CHODL: variants seen among roughly 807,000 people sequenced by gnomAD.
The protein encoded by CHODL is transmembrane protein MT75.
In CHODL, 29 loss-of-function variants were observed where a neutral mutation model predicts 34.5. That is an observed-to-expected ratio of 0.84 (90% CI 0.63 to 1.15). The LOEUF (loss-of-function observed/expected upper bound fraction) is 1.15, where lower values mean the gene tolerates loss of function less well. Among genes scored for constraint, CHODL ranks in the 50% most tolerant of loss-of-function variants. The pLI is 0.00. For synonymous variants in CHODL, 125 were observed against 116.1 expected (o/e 1.08, Z -0.49); for missense variants, 332 against 332.5 (o/e 1.00, Z 0.01).
At chr21:18,256,865 A>G in intron 2 of CHODL, 47 bp downstream of exon 2, 1 of 1,589,496 alleles carries the variant, frequency 6.3e-7, no homozygotes, top group South Asian at 1.2e-5. Context: ...GGGAACTCCA[A>G]AGATAGAGGG....
At chr21:18,059,319 A>G (rs2064626106) in intron 2 of CHODL, among the ~76,000 whole-genome samples, 1 of 152,102 alleles carries the variant, frequency 6.6e-6, no homozygotes, top group Admixed American at 6.5e-5. Flanking sequence ...AGGTTTGGGG[A>G]AAAATAATGT....
At chr21:17,943,448 C>G (rs13051688) in intron 1 of CHODL, among the ~76,000 whole-genome samples, 5,226 of 152,198 alleles carry the variant, frequency 0.034, 105 homozygotes, top group Middle Eastern at 0.068. Context: ...TTATTTTTCT[C>G]TTGATGAATA....
chr21:18,243,579 G>A (rs2074102308), upstream of CHODL, among the ~76,000 whole-genome samples: 1 of 147,746 alleles, frequency 6.8e-6, no homozygotes, highest in Non-Finnish European at 1.5e-5. Flanking sequence ...GATTTTGCAT[G>A]TCCCCAAAAC....
chr21:18,002,635 A>G (rs2063917119), intron 1 of CHODL, among the ~76,000 whole-genome samples: 1 of 152,132 alleles, frequency 6.6e-6, no homozygotes, highest in African/African-American at 2.4e-5. Flanking sequence ...TCAGGAGTAC[A>G]TATCTCCACC....
At chr21:17,977,711 G>T (rs1418737652) in intron 1 of CHODL, among the ~76,000 whole-genome samples, 7 of 145,718 alleles carry the variant, frequency 4.8e-5, no homozygotes, top group African/African-American at 7.5e-5. Context: ...GAGGTCAAGA[G>T]ATCGAGACCA....
chr21:18,243,730 T>C (rs2074103818), upstream of CHODL, among the ~76,000 whole-genome samples: 1 of 152,148 alleles, frequency 6.6e-6, no homozygotes, highest in African/African-American at 2.4e-5. Flanking sequence ...TCTTTCCAAG[T>C]GCTAAAATTT....
chr21:18,013,069 T>C (rs956749996), intron 1 of CHODL, among the ~76,000 whole-genome samples: 11 of 152,188 alleles, frequency 7.2e-5, no homozygotes, highest in Admixed American at 6.5e-4. Flanking sequence ...GGGAATCTGA[T>C]TGGCTTTTAA....
intron 1 of CHODL, among the ~76,000 whole-genome samples, chr21:18,001,023 A>G (rs1308227973): frequency 1.3e-5 from 2 of 152,186 alleles, no homozygotes; most frequent in African/African-American, 4.8e-5. Context: ...CATCATAATC[A>G]TGATCATCTA....
At chr21:18,162,686 T>G (rs886256149) in intron 2 of CHODL, among the ~76,000 whole-genome samples, 2 of 152,222 alleles carry the variant, frequency 1.3e-5, no homozygotes, top group African/African-American at 4.8e-5. Context: ...TAATAACTAT[T>G]TTTAAACTTC....
intron 3 of CHODL, among the ~76,000 whole-genome samples, chr21:18,257,342 G>C (rs1257671244): frequency 6.6e-6 from 1 of 152,120 alleles, no homozygotes; most frequent in African/African-American, 2.4e-5. Context: ...AATAAAAACA[G>C]CTGGAGAGAT....
intron 2 of CHODL, among the ~76,000 whole-genome samples, chr21:18,171,261 C>T (rs2073226863): frequency 8.8e-6 from 1 of 113,586 alleles, no homozygotes; most frequent in Non-Finnish European, 1.7e-5. Context: ...CTGCGGACTG[C>T]AGCGGCGCAA....
chr21:17,929,332 A>G (rs1468766636), intron 1 of CHODL, among the ~76,000 whole-genome samples: 1 of 152,256 alleles, frequency 6.6e-6, no homozygotes, highest in Non-Finnish European at 1.5e-5. Flanking sequence ...ACATATTTAA[A>G]AAGTTTTTTG....
At chr21:18,183,747 A>G (rs1293516024) in intron 2 of CHODL, among the ~76,000 whole-genome samples, 1 of 152,162 alleles carries the variant, frequency 6.6e-6, no homozygotes, top group Non-Finnish European at 1.5e-5. Context: ...AGTGTTTTTC[A>G]TGGTTCACTT....
At chr21:18,240,819 G>A (rs1025651132), upstream of CHODL, among the ~76,000 whole-genome samples, 1 of 152,086 alleles carries the variant, frequency 6.6e-6, no homozygotes, top group Non-Finnish European at 1.5e-5. Flanking sequence ...TATATTACTA[G>A]TAATGGAGTT....
chr21:18,056,367 A>G (rs1359442522), intron 2 of CHODL, among the ~76,000 whole-genome samples: 1 of 138,798 alleles, frequency 7.2e-6, no homozygotes. Context: ...CTTAAAAATA[A>G]AGAATTATTT....
chr21:17,927,264 G>A (rs1265120530), intron 1 of CHODL, among the ~76,000 whole-genome samples: 1 of 151,338 alleles, frequency 6.6e-6, no homozygotes, highest in African/African-American at 2.4e-5. Context: ...CAGAAAAATA[G>A]GGAAATGAGA....
intron 1 of CHODL, among the ~76,000 whole-genome samples, chr21:18,015,502 C>T (rs183974839): frequency 4.6e-5 from 7 of 152,116 alleles, no homozygotes; most frequent in South Asian, 2.1e-4. Context: ...GGACTAATAC[C>T]GAGAATTGGT....
intron 2 of CHODL, among the ~76,000 whole-genome samples, chr21:18,110,880 G>A (rs150965945): frequency 3.1e-4 from 47 of 152,066 alleles, no homozygotes; most frequent in African/African-American, 1.0e-3. Context: ...AGCTCATTGT[G>A]CTTGACTTTT....
intron 1 of CHODL, among the ~76,000 whole-genome samples, chr21:18,026,541 A>G (rs1239839068): frequency 6.6e-6 from 1 of 152,166 alleles, no homozygotes; most frequent in East Asian, 1.9e-4. Context: ...TGTTTTCATC[A>G]AACTAATTGA....
Sources: gnomAD v4.1 joint callset for allele counts (sites outside exome capture counted in the v4.1 genomes callset) on GRCh38, gnomAD v4.1.1 for gene constraint, MANE v1.5 for transcripts, NCBI Gene and HGNC (gene_info 2026-07-23, HGNC 2026-07-21) for gene names.